RALGPS1: variants seen among roughly 807,000 people sequenced by gnomAD.
The protein encoded by RALGPS1 is Ral GEF with PH domain and SH3 binding motif 1.
Under a neutral mutation model 78.8 loss-of-function variants are expected in RALGPS1, and 19 were observed. The ratio of observed to expected loss-of-function variants is 0.24; its 90% CI spans 0.17 to 0.35. The LOEUF is 0.35. Ranked by LOEUF, RALGPS1 falls within the 10% of genes least tolerant of loss-of-function variation. The pLI is 1.00. For synonymous variants in RALGPS1, 228 were observed against 256.3 expected (o/e 0.89, Z 1.06); for missense variants, 454 against 688.3 (o/e 0.66, Z 3.81).
intron 1 of RALGPS1, among the ~76,000 whole-genome samples, chr9:126,919,600 G>T (rs2034543906): frequency 6.6e-6 from 1 of 152,196 alleles, no homozygotes; most frequent in African/African-American, 2.4e-5. Context: ...AATAGGATCT[G>T]TCTTTGGGGG....
At chr9:126,999,504 C>G (rs942403910) in intron 4 of RALGPS1, among the ~76,000 whole-genome samples, 1 of 152,212 alleles carries the variant, frequency 6.6e-6, no homozygotes, top group South Asian at 2.1e-4. Flanking sequence ...CTCTTAACCC[C>G]TGGCACCACT....
intron 11 of RALGPS1, among the ~76,000 whole-genome samples, chr9:127,185,750 A>G (rs191036455): frequency 1.3e-5 from 2 of 152,204 alleles, no homozygotes; most frequent in Non-Finnish European, 2.9e-5. Flanking sequence ...TTACCTGGCT[A>G]CTTCTCTCTC....
At chr9:127,166,364 G>A (rs535205844) in intron 9 of RALGPS1, among the ~76,000 whole-genome samples, 158 bp downstream of exon 9, 1 of 152,286 alleles carries the variant, frequency 6.6e-6, no homozygotes, top group South Asian at 2.1e-4. Context: ...ACATAGGTTT[G>A]ATCTTCAAAA....
At chr9:126,926,246 T>C (rs1588465470) in intron 1 of RALGPS1, among the ~76,000 whole-genome samples, 1 of 152,174 alleles carries the variant, frequency 6.6e-6, no homozygotes, top group East Asian at 1.9e-4. Flanking sequence ...TTACTAAGCA[T>C]GTAATAGGGC....
chr9:127,219,732 G>A lies in RALGPS1; in HGVS notation c.*963G>A, dbSNP rs1024074475. The A allele has an allele frequency of 2.0e-5, 3 of 152,694 alleles. No individual in the cohort carries two copies. Among genetic ancestry groups the A allele is most frequent in the South Asian group, 2.1e-4 (1 of 4,828 alleles). The allele number at this position is 152,694 out of a possible 1,614,324, so 9.5% of individuals were successfully genotyped here. Reference sequence around the variant, plus strand: ...TAGTGATCAGCTGTGCAGGAGCCATGAGGCACCAACCTCTCCCCGCAGGGC... The same window carrying A: ...TAGTGATCAGCTGTGCAGGAGCCATAAGGCACCAACCTCTCCCCGCAGGGC... On this transcript the variant is annotated 3_prime_UTR_variant, in exon 19 of 19. Transcript: ENST00000259351. This position sits in a 1 kb window ranked among gnomAD's most constrained non-coding sequence, Gnocchi z 5.0.
Position 127,091,933 on chromosome 9 carries a change from A to C in RALGPS1, c.610+22577A>C. The C allele has an allele frequency of 6.2e-7, 1 of 1,613,764 alleles. No homozygotes were observed. The highest frequency in any genetic ancestry group is 8.5e-7 in the Non-Finnish European group (1 of 1,179,822). ...CCAGTATTCGCCGTCAATGTTCCCA[A>C]ACCCTTGCTGGGGAAAACCCAGGAG... On this transcript the variant is annotated intron_variant, in intron 8 of 18. Transcript: ENST00000259351. The surrounding 1 kb of genome is among the most constrained non-coding windows in gnomAD (Gnocchi z 4.3).
rs2060272917 is a variant in RALGPS1 at position 127,182,258 on chromosome 9, C to T, written c.910+7476C>T. Among the ~76,000 whole-genome samples the T allele has an allele frequency of 2.0e-5, 3 of 151,978 alleles. No individual in the cohort carries two copies. The East Asian group carries it at 5.8e-4, about 29-fold the overall frequency. On this transcript the variant is annotated intron_variant, in intron 11 of 18. Transcript: ENST00000259351. ...GGCCATCACTAGAAGCAGATGCTGG[C>T]AGCATAATTCCTTACAGCCTGTAGA...
chr9:127,031,941 A>G (rs964541179), intron 4 of RALGPS1, among the ~76,000 whole-genome samples: 6 of 152,358 alleles, frequency 3.9e-5, no homozygotes, highest in East Asian at 1.9e-4. Flanking sequence ...GATATCAGCA[A>G]AATGAAAGAG....
chr9:127,082,760 A>G (rs763273991), intron 8 of RALGPS1, among the ~76,000 whole-genome samples: 8 of 152,176 alleles, frequency 5.3e-5, no homozygotes, highest in Non-Finnish European at 1.2e-4. Context: ...AGTTGTTGTG[A>G]GAATTTAAAG....
chr9:127,194,478 T>C (rs2140508832), intron 11 of RALGPS1, among the ~76,000 whole-genome samples: 1 of 152,286 alleles, frequency 6.6e-6, no homozygotes, highest in African/African-American at 2.4e-5. Flanking sequence ...AGTGGCACAA[T>C]CTTGGCTCAC....
intron 4 of RALGPS1, among the ~76,000 whole-genome samples, chr9:127,008,242 C>G (rs1418577953): frequency 6.6e-6 from 1 of 152,046 alleles, no homozygotes; most frequent in Admixed American, 6.5e-5. Context: ...CATGAGGTAT[C>G]CTGTACCAGC....
chr9:127,184,302 A>G, intron 11 of RALGPS1: 1 of 400,022 alleles, frequency 2.5e-6, no homozygotes, highest in Non-Finnish European at 4.7e-6. Context: ...CTTGGGTGAC[A>G]GAGCAAGACC....
At chr9:127,067,232 T>C (rs1349631898) in intron 7 of RALGPS1, among the ~76,000 whole-genome samples, 1 of 152,226 alleles carries the variant, frequency 6.6e-6, no homozygotes, top group Non-Finnish European at 1.5e-5. Context: ...AAGCAGCCAT[T>C]GTCCTGAGCA....
In RALGPS1 at chr9:127,174,780, C is replaced by A. The variant is rs1199740627; in HGVS notation, c.908C>A (p.Ala303Glu). ...CTAGTCTCTTCCAAGGAAGATCTTG[C>A]AGGTATCGTAGCTACCTCGAGTGGG... ...PRLVSSKEDL[A>E]GPSAGSGSAR... Residue 303 changes from alanine to glutamate, a missense_variant and splice_region_variant, in exon 11 of 19, where the codon GCA becomes GAA. Ala to Glu is a moderately radical substitution (Grantham distance 107). Transcript: ENST00000259351. 2 of 1,613,896 alleles carry A rather than the reference C, an allele frequency of 1.2e-6. No individual in the cohort carries two copies. The highest frequency in any genetic ancestry group is 3.3e-5 in the Admixed American group (2 of 60,028).
intron 11 of RALGPS1, chr9:127,184,358 A>G: frequency 3.0e-6 from 1 of 329,150 alleles, no homozygotes; most frequent in East Asian, 8.1e-5. Flanking sequence ...AGGCCCTCTA[A>G]ATGATGTGTG....
intron 7 of RALGPS1, among the ~76,000 whole-genome samples, chr9:127,066,051 G>T (rs2049665851): frequency 6.6e-6 from 1 of 152,202 alleles, no homozygotes; most frequent in African/African-American, 2.4e-5. Flanking sequence ...TGTGGGGCAA[G>T]TTGGGGATGA....
At chr9:127,178,771 C>T (rs879404188) in intron 11 of RALGPS1, among the ~76,000 whole-genome samples, 4 of 152,180 alleles carry the variant, frequency 2.6e-5, no homozygotes, top group African/African-American at 4.8e-5. Flanking sequence ...GGACAAAGAC[C>T]CTGTGGCCTG....
intron 5 of RALGPS1, among the ~76,000 whole-genome samples, chr9:127,042,750 C>T (rs1216108255): frequency 1.3e-5 from 2 of 152,000 alleles, no homozygotes; most frequent in Non-Finnish European, 2.9e-5. Flanking sequence ...ACATAGGTGA[C>T]GTGATTATCT....
chr9:127,085,070 T>A (rs1004025089), intron 8 of RALGPS1, among the ~76,000 whole-genome samples: 7 of 152,198 alleles, frequency 4.6e-5, no homozygotes, highest in African/African-American at 1.7e-4. Context: ...ATGTGAAGGT[T>A]TCTCTTTCAG....
Sources: allele counts gnomAD v4.1 joint callset (sites outside exome capture counted in the v4.1 genomes callset), GRCh38; gene constraint gnomAD v4.1.1; non-coding constraint Gnocchi (gnomAD v3.1); transcripts MANE v1.5; gene names NCBI Gene and HGNC (gene_info 2026-07-23, HGNC 2026-07-21).